CNR2: variants seen among roughly 807,000 people sequenced by gnomAD.
CNR2 encodes cannabinoid receptor 2 (macrophage).
For synonymous variants in CNR2, 172 were observed against 182.2 expected, an observed-to-expected ratio of 0.94 and a Z score of 0.45; for missense variants, 379 against 439.9, an observed-to-expected ratio of 0.86 and a Z score of 1.24.
At chr1:23,886,542 G>C (rs187732636) in intron 1 of CNR2, among the ~76,000 whole-genome samples, 44 of 152,176 alleles carry the variant, frequency 2.9e-4, no homozygotes, top group African/African-American at 8.4e-4. Context: ...GCTAGGTGAG[G>C]CCCAAAGCCA....
chr1:23,887,816 G>T (rs1640116204), intron 1 of CNR2, among the ~76,000 whole-genome samples: 1 of 42,510 alleles, frequency 2.4e-5, no homozygotes. Context: ...TATTAACCAA[G>T]GCTAAAAAAA....
chr1:23,893,735 C>T (rs1640230394), intron 1 of CNR2, among the ~76,000 whole-genome samples: 1 of 152,200 alleles, frequency 6.6e-6, no homozygotes, highest in African/African-American at 2.4e-5. Context: ...GCACTTTCTA[C>T]ACATTATCTC....
rs981508348 is a variant in CNR2, at chr1:23,901,491, C to T, written c.-46+11755G>A. 3.2e-6 allele frequency: 5 copies of T among 1,577,842 alleles called. No homozygotes were observed. The African/African-American group carries it at 4.0e-5, about 13-fold the overall frequency. On this transcript the variant is annotated intron_variant, in intron 1 of 1. Coordinates refer to ENST00000374472, the MANE Select transcript of CNR2 (RefSeq NM_001841.3). The stretch of plus-strand genomic sequence containing the variant: ...GCACCTCAGGCATAGAAGATGAGCT[C>T]AGGGATCTGCCCACCCTGGACCCCA...
chr1:23,911,646 C>T (rs1388575274), intron 1 of CNR2, among the ~76,000 whole-genome samples: 2 of 152,120 alleles, frequency 1.3e-5, no homozygotes, highest in African/African-American at 4.8e-5. Flanking sequence ...CGAGGGTGTG[C>T]AGTAAGAGTG....
intron 1 of CNR2, among the ~76,000 whole-genome samples, chr1:23,897,497 C>T (rs1475509426): frequency 1.4e-5 from 2 of 142,998 alleles, no homozygotes; most frequent in African/African-American, 2.7e-5. Flanking sequence ...TTTTTTGAGA[C>T]CGAGTCTCAG....
At chr1:23,912,678 G>C (rs1254551020) in intron 1 of CNR2, among the ~76,000 whole-genome samples, 1 of 152,162 alleles carries the variant, frequency 6.6e-6, no homozygotes, top group Non-Finnish European at 1.5e-5. Flanking sequence ...GGCCATCTCT[G>C]TGTGTGTGAT....
chr1:23,881,718 G>A (rs1327181973), intron 1 of CNR2, among the ~76,000 whole-genome samples: 1 of 150,358 alleles, frequency 6.7e-6, no homozygotes, highest in African/African-American at 2.4e-5. Flanking sequence ...AAGAAACCTC[G>A]TCTCTACTAA....
At chr1:23,885,465 G>A (rs1427815706) in intron 1 of CNR2, among the ~76,000 whole-genome samples, 1 of 152,092 alleles carries the variant, frequency 6.6e-6, no homozygotes, top group Non-Finnish European at 1.5e-5. Flanking sequence ...GGTTTTCTGA[G>A]TATTTAAATA....
intron 1 of CNR2, among the ~76,000 whole-genome samples, chr1:23,881,865 T>C (rs2148460179): frequency 6.6e-6 from 1 of 151,178 alleles, no homozygotes; most frequent in Non-Finnish European, 1.5e-5. Context: ...CACTCCAGCC[T>C]GGGCAACGAG....
chr1:23,904,300 G>A (rs1193420374), intron 1 of CNR2, among the ~76,000 whole-genome samples: 1 of 151,426 alleles, frequency 6.6e-6, no homozygotes, highest in East Asian at 1.9e-4. Context: ...AGCCTCCCGA[G>A]TAGCTTGGGA....
At chr1:23,905,185 TC>T (rs1640468042) in intron 1 of CNR2, among the ~76,000 whole-genome samples, 1 of 148,638 alleles carries the variant, frequency 6.7e-6, no homozygotes, top group African/African-American at 2.6e-5. Flanking sequence ...TCTTTTCTTT[TC>T]TTTCTTTTTT....
intron 1 of CNR2, 24 bp from the exon 2 acceptor site, chr1:23,875,686 A>T: frequency 6.6e-7 from 1 of 1,505,580 alleles, no homozygotes; most frequent in Non-Finnish European, 8.9e-7. Context: ...AGAAGAAGAA[A>T]ATAATCTTTT....
chr1:23,882,274 G>A (rs1570705038), intron 1 of CNR2, among the ~76,000 whole-genome samples: 1 of 152,100 alleles, frequency 6.6e-6, no homozygotes, highest in Non-Finnish European at 1.5e-5. Context: ...TAGTTCATAA[G>A]CGTGATGACT....
chr1:23,903,744 T>C (rs74065432), intron 1 of CNR2, among the ~76,000 whole-genome samples: 1,967 of 152,282 alleles, frequency 0.013, 49 homozygotes, highest in African/African-American at 0.045. Flanking sequence ...GGAGCTTCAC[T>C]TTAACAATAG....
At chr1:23,906,546 C>T (rs6424132) in intron 1 of CNR2, among the ~76,000 whole-genome samples, 8,933 of 132,204 alleles carry the variant, frequency 0.068, 964 homozygotes, top group African/African-American at 0.23. Context: ...TTTTTTCTTT[C>T]TTTTTTTTTT....
At chr1:23,911,766 C>G (rs1211078066) in intron 1 of CNR2, among the ~76,000 whole-genome samples, 1 of 152,144 alleles carries the variant, frequency 6.6e-6, no homozygotes, top group Non-Finnish European at 1.5e-5. Context: ...CTGGCCTTAG[C>G]CGGCCAAAGG....
At chr1:23,912,481 C>T (rs1010820764) in intron 1 of CNR2, among the ~76,000 whole-genome samples, 6 of 152,246 alleles carry the variant, frequency 3.9e-5, no homozygotes, top group African/African-American at 1.4e-4. Context: ...GAAGGGTGGG[C>T]CGCGAAGCCG....
chr1:23,895,596 TC>T (rs1442599317), intron 1 of CNR2, among the ~76,000 whole-genome samples: 2 of 151,974 alleles, frequency 1.3e-5, no homozygotes, highest in African/African-American at 4.8e-5. Flanking sequence ...AACCTCCAAA[TC>T]CCGGGTTCAA....
At chr1:23,896,489 C>G (rs1288264929) in intron 1 of CNR2, among the ~76,000 whole-genome samples, 1 of 152,214 alleles carries the variant, frequency 6.6e-6, no homozygotes, top group Non-Finnish European at 1.5e-5. Context: ...TGAATGGCAG[C>G]TTATATAGAT....
Sources: gnomAD v4.1 joint callset for allele counts (sites outside exome capture counted in the v4.1 genomes callset) on GRCh38, gnomAD v4.1.1 for gene constraint, MANE v1.5 for transcripts, NCBI Gene and HGNC (gene_info 2026-07-23, HGNC 2026-07-21) for gene names.